Variants in PUDP observed in about 807,000 individuals in gnomAD.
The protein encoded by PUDP is pseudouridine-5'-phosphatase.
A neutral mutation model predicts 9.4 loss-of-function variants in PUDP; 8 were observed. That is an observed-to-expected ratio of 0.85 (90% CI 0.50 to 1.53). The LOEUF is 1.53. Among genes scored for constraint, PUDP ranks in the 40% most tolerant of loss-of-function variants. PUDP has a pLI of 0.00. For synonymous variants in PUDP, 99 were observed against 80.7 expected (o/e 1.23, Z -1.22); for missense variants, 188 against 189.7 (o/e 0.99, Z 0.05).
intron 3 of PUDP, among the ~76,000 whole-genome samples, chrX:6,841,630 G>C (rs1926672502): frequency 9.0e-6 from 1 of 111,515 alleles, no homozygotes; most frequent in African/African-American, 3.3e-5. Context: ...TTTATTTATA[G>C]AAATTAACAC....
intron 2 of PUDP, among the ~76,000 whole-genome samples, chrX:7,090,143 A>C (rs1471983659): frequency 5.4e-5 from 6 of 111,502 alleles, no homozygotes; most frequent in African/African-American, 2.0e-4. Flanking sequence ...ACAAGTGCTC[A>C]AATTATTAGA....
At chrX:7,071,952 C>A (rs1448155400) in intron 3 of PUDP, among the ~76,000 whole-genome samples, 3 of 110,102 alleles carry the variant, frequency 2.7e-5, no homozygotes, top group Non-Finnish European at 5.7e-5. Flanking sequence ...AATTTATCAT[C>A]ATCATCATTA....
chrX:7,052,390 GC>G (rs1343691181), intron 3 of PUDP, among the ~76,000 whole-genome samples: 6 of 110,951 alleles, frequency 5.4e-5, no homozygotes, highest in African/African-American at 1.6e-4. Flanking sequence ...CAGGTATATA[GC>G]AGCGACTCAA....
chrX:7,074,837 G>T (rs756853818), intron 3 of PUDP, among the ~76,000 whole-genome samples: 5 of 112,323 alleles, frequency 4.5e-5, no homozygotes, highest in Non-Finnish European at 9.4e-5. Context: ...TTCCCACTGG[G>T]AGCTGTTCCA....
At chrX:6,828,558 A>G (rs1212402018) in intron 3 of PUDP, among the ~76,000 whole-genome samples, 1 of 111,636 alleles carries the variant, frequency 9.0e-6, no homozygotes, top group Non-Finnish European at 1.9e-5. Flanking sequence ...CATCATTACT[A>G]CCCAGACTCC....
intron 1 of PUDP, among the ~76,000 whole-genome samples, chrX:7,145,597 G>A (rs933846688): frequency 1.5e-5 from 1 of 65,627 alleles, no homozygotes; most frequent in Non-Finnish European, 2.9e-5. Flanking sequence ...AAACCGAAGT[G>A]TATTTTTTTT....
intron 3 of PUDP, among the ~76,000 whole-genome samples, chrX:6,913,652 T>A (rs1250539258): frequency 8.9e-6 from 1 of 111,857 alleles, no homozygotes; most frequent in Non-Finnish European, 1.9e-5. Flanking sequence ...AAAAAATACA[T>A]AAAATACCTC....
chrX:6,864,962 T>C (rs779675421), intron 3 of PUDP, among the ~76,000 whole-genome samples: 45 of 111,741 alleles, frequency 4.0e-4, no homozygotes, highest in Admixed American at 1.2e-3. Context: ...GTAATTAAGA[T>C]GTAGATGTTT....
At chrX:6,986,582 A>G (rs1009081907) in intron 1 of PUDP, among the ~76,000 whole-genome samples, 24 of 112,177 alleles carry the variant, frequency 2.1e-4, no homozygotes, top group African/African-American at 6.8e-4. Flanking sequence ...CGAAGAGGAG[A>G]CACCTTTGAA....
intron 1 of PUDP, among the ~76,000 whole-genome samples, chrX:7,034,758 T>C (rs759518467): frequency 9.0e-6 from 1 of 111,558 alleles, no homozygotes; most frequent in East Asian, 2.8e-4. Flanking sequence ...CCACTTTGTC[T>C]AATCTTCAAA....
intron 1 of PUDP, among the ~76,000 whole-genome samples, chrX:7,142,112 G>A (rs1398161050): frequency 8.9e-6 from 1 of 112,104 alleles, no homozygotes; most frequent in Admixed American, 9.5e-5. Context: ...CATGGATTGA[G>A]GAGTAACTTC....
chrX:7,088,547 A>T (rs1459917600), intron 2 of PUDP, among the ~76,000 whole-genome samples: 2 of 111,676 alleles, frequency 1.8e-5, no homozygotes, highest in African/African-American at 6.5e-5. Context: ...TAACGTGAAA[A>T]TTTCCCTCTC....
At chrX:6,889,623 A>G (rs1927483145) in intron 3 of PUDP, among the ~76,000 whole-genome samples, 1 of 111,372 alleles carries the variant, frequency 9.0e-6, no homozygotes, top group Non-Finnish European at 1.9e-5. Flanking sequence ...GAATGAATAA[A>G]GTAATTCATT....
At chrX:6,791,693 C>T (rs1925751988) in intron 3 of PUDP, among the ~76,000 whole-genome samples, 1 of 111,504 alleles carries the variant, frequency 9.0e-6, no homozygotes, top group Non-Finnish European at 1.9e-5. Context: ...TAGATTCTTC[C>T]TTGAGTCTCC....
chrX:6,873,868 ATTAAGGT>A (rs1927212217), intron 3 of PUDP, among the ~76,000 whole-genome samples: 1 of 112,304 alleles, frequency 8.9e-6, no homozygotes, highest in Non-Finnish European at 1.9e-5. Flanking sequence ...AATCAGAAAA[ATTAAGGT>A]TTAAACACTT....
intron 1 of PUDP, among the ~76,000 whole-genome samples, chrX:7,003,926 G>C (rs1929365095): frequency 9.0e-6 from 1 of 111,161 alleles, no homozygotes; most frequent in African/African-American, 3.3e-5. Context: ...GCCTAGGCTG[G>C]AGTGCAGTGG....
Position 6,783,151 on chromosome X carries a change from C to CTA in PUDP, c.*248-76687_*248-76686dup, listed in dbSNP as rs1925592057. ...CCGGAATTGGGAGTGTCCAATATCCCTATATCTTGAGAACAGAAGCACTCC... is the reference window on the plus strand; with the variant it reads ...CCGGAATTGGGAGTGTCCAATATCCCTATATATCTTGAGAACAGAAGCACTCC... On this transcript the variant is annotated intron_variant and NMD_transcript_variant, in intron 3 of 3. Transcript: ENST00000655425. Among the ~76,000 whole-genome samples, 2 of 111,628 alleles carry CTA rather than the reference C, an allele frequency of 1.8e-5. 1 individual carries two copies. Among genetic ancestry groups the CTA allele is most frequent in the Non-Finnish European group, 3.8e-5 (2 of 53,154 alleles).
intron 3 of PUDP, among the ~76,000 whole-genome samples, chrX:6,733,295 C>T (rs1924833164): frequency 9.0e-6 from 1 of 111,558 alleles, no homozygotes; most frequent in South Asian, 3.8e-4. Flanking sequence ...ACGCTTCGTC[C>T]CGGTGAAGAC....
intron 1 of PUDP, among the ~76,000 whole-genome samples, chrX:7,030,078 T>G (rs1929771472): frequency 9.9e-6 from 1 of 101,521 alleles, no homozygotes; most frequent in South Asian, 4.7e-4. Context: ...AGGTGTATTT[T>G]TTAAAAATCA....
Sources: allele counts gnomAD v4.1 joint callset (sites outside exome capture counted in the v4.1 genomes callset), GRCh38; gene constraint gnomAD v4.1.1; transcripts MANE v1.5; gene names NCBI Gene and HGNC (gene_info 2026-07-23, HGNC 2026-07-21).